Variants in MED13L observed in about 807,000 individuals in gnomAD.
MED13L encodes the protein mediator of RNA polymerase II transcription subunit 13-like.
MED13L carries 7 observed loss-of-function variants against 220.9 expected under a neutral mutation model. The observed-to-expected ratio is 0.03, with a 90% CI of 0.02 to 0.06. The LOEUF (loss-of-function observed/expected upper bound fraction) is 0.06, where lower values mean the gene tolerates loss of function less well. Ranked by LOEUF, MED13L falls within the 10% of genes least tolerant of loss-of-function variation. The pLI is 1.00. For missense variants in MED13L, 1,965 were observed against 2,760.5 expected, an observed-to-expected ratio of 0.71 and a Z score of 6.46; for synonymous variants, 1,011 against 1,015.2, an observed-to-expected ratio of 1.00 and a Z score of 0.08.
intron 4 of MED13L, among the ~76,000 whole-genome samples, chr12:116,092,573 G>A (rs533825950): frequency 6.6e-6 from 1 of 152,192 alleles, no homozygotes; most frequent in African/African-American, 2.4e-5. Flanking sequence ...AACATTTCTG[G>A]TATGAGTTAA....
intron 2 of MED13L, among the ~76,000 whole-genome samples, chr12:116,140,271 T>A (rs1393712230): frequency 6.6e-6 from 1 of 152,180 alleles, no homozygotes; most frequent in African/African-American, 2.4e-5. Flanking sequence ...CCATTCCCAA[T>A]TAGAGTGTAA....
intron 30 of MED13L, 38 bp downstream of exon 30, chr12:115,963,369 T>C: frequency 6.8e-7 from 1 of 1,461,350 alleles, no homozygotes; most frequent in Non-Finnish European, 9.6e-7. Context: ...GAATATTGTT[T>C]CAAATTGCAC....
intron 3 of MED13L, among the ~76,000 whole-genome samples, chr12:116,104,133 C>T (rs1458016878): frequency 1.3e-5 from 2 of 150,960 alleles, no homozygotes; most frequent in Non-Finnish European, 3.0e-5. Flanking sequence ...GCCTCAGTCT[C>T]CCAAGTAGCT....
intron 2 of MED13L, among the ~76,000 whole-genome samples, chr12:116,163,355 G>T (rs1485641132): frequency 7.5e-6 from 1 of 132,590 alleles, no homozygotes; most frequent in African/African-American, 3.0e-5. Context: ...CTGTTTATAG[G>T]TGAAGAATTT....
intron 2 of MED13L, among the ~76,000 whole-genome samples, chr12:116,182,136 C>A (rs1221829595): frequency 1.3e-5 from 2 of 152,144 alleles, no homozygotes; most frequent in Admixed American, 6.6e-5. Context: ...CATGCCCCCA[C>A]CTTCCTTGAC....
At chr12:116,114,836 T>G (rs1426266669) in intron 2 of MED13L, among the ~76,000 whole-genome samples, 1 of 152,178 alleles carries the variant, frequency 6.6e-6, no homozygotes, top group East Asian at 1.9e-4. Context: ...ACTGAAATTT[T>G]TTAAAGTACC....
At chr12:116,184,883 C>A (rs953486670) in intron 2 of MED13L, among the ~76,000 whole-genome samples, 1 of 152,002 alleles carries the variant, frequency 6.6e-6, no homozygotes, top group Non-Finnish European at 1.5e-5. Flanking sequence ...ATGACCTATG[C>A]CTGTTGGAAA....
At chr12:116,276,771 G>C (rs1565963942) in intron 1 of MED13L, 1 of 1,302,084 alleles carries the variant, frequency 7.7e-7, no homozygotes, top group Non-Finnish European at 9.9e-7. Context: ...CAGAGGGTGG[G>C]CGTTCGAAGT....
At chr12:116,191,077 G>C (rs1297986968) in intron 2 of MED13L, among the ~76,000 whole-genome samples, 2 of 147,480 alleles carry the variant, frequency 1.4e-5, no homozygotes, top group Non-Finnish European at 3.0e-5. Flanking sequence ...GGGCAAAAGA[G>C]CGAGACTCTG....
At chr12:116,067,876 TCA>T (rs1241539931) in intron 4 of MED13L, among the ~76,000 whole-genome samples, 1 of 152,154 alleles carries the variant, frequency 6.6e-6, no homozygotes, top group African/African-American at 2.4e-5. Context: ...ACAACAAGAC[TCA>T]ATAAAGGACA....
At chr12:116,169,418 T>C (rs1879518517) in intron 2 of MED13L, among the ~76,000 whole-genome samples, 1 of 152,208 alleles carries the variant, frequency 6.6e-6, no homozygotes, top group Non-Finnish European at 1.5e-5. Context: ...ATATAACTAA[T>C]ATAACATACA....
At chr12:116,039,408 T>C (rs1169792024) in intron 4 of MED13L, among the ~76,000 whole-genome samples, 1 of 152,214 alleles carries the variant, frequency 6.6e-6, no homozygotes, top group African/African-American at 2.4e-5. Flanking sequence ...TAGAATGCTA[T>C]TATCAGCAAA....
At chr12:116,165,259 C>A (rs1246592393) in intron 2 of MED13L, among the ~76,000 whole-genome samples, 1 of 74,486 alleles carries the variant, frequency 1.3e-5, no homozygotes, top group African/African-American at 5.9e-5. Context: ...AGGCACCATC[C>A]TTTTTTTTTT....
intron 2 of MED13L, among the ~76,000 whole-genome samples, chr12:116,128,628 T>C (rs1411456170): frequency 6.6e-6 from 1 of 152,212 alleles, no homozygotes; most frequent in Non-Finnish European, 1.5e-5. Flanking sequence ...CTCTTTCCTA[T>C]GCATAATTCA....
chr12:116,215,180 G>C (rs1882919932), intron 2 of MED13L, among the ~76,000 whole-genome samples: 1 of 152,128 alleles, frequency 6.6e-6, no homozygotes, highest in Non-Finnish European at 1.5e-5. Context: ...AACATAATAT[G>C]ATCTTTGTGC....
intron 7 of MED13L, among the ~76,000 whole-genome samples, chr12:116,018,366 T>C (rs1350410459): frequency 6.6e-6 from 1 of 152,224 alleles, no homozygotes; most frequent in Non-Finnish European, 1.5e-5. Context: ...CTTTCAAATT[T>C]TGTCTTACTC....
At chr12:115,987,550 G>C (rs998644133) in intron 17 of MED13L, among the ~76,000 whole-genome samples, 1 of 152,156 alleles carries the variant, frequency 6.6e-6, no homozygotes, top group African/African-American at 2.4e-5. Context: ...TTGTTTAAAA[G>C]TGGAAAAATG....
rs187460786 is a variant in MED13L, at chr12:116,171,973, C to G, written c.311-60461G>C. 7.2e-3 allele frequency among the ~76,000 whole-genome samples: 1,097 copies of G among 152,274 alleles called. 12 individuals are homozygous for G. The highest frequency in any genetic ancestry group is 0.013 in the Non-Finnish European group (865 of 68,016). ...TGTCCCTCTCAGCTTTTTTAATCAA[C>G]TTCATGAAGATTTTATAAATGACTT... On this transcript the variant is annotated intron_variant, in intron 2 of 30. Coordinates refer to ENST00000281928, the MANE Select transcript of MED13L (RefSeq NM_015335.5).
At chr12:116,164,161 A>G (rs911396871) in intron 2 of MED13L, among the ~76,000 whole-genome samples, 2 of 152,212 alleles carry the variant, frequency 1.3e-5, no homozygotes, top group African/African-American at 4.8e-5. Flanking sequence ...ATTTCATCAT[A>G]TATTTCATTC....
Sources: gnomAD v4.1 joint callset for allele counts (sites outside exome capture counted in the v4.1 genomes callset) on GRCh38, gnomAD v4.1.1 for gene constraint, MANE v1.5 for transcripts, NCBI Gene and HGNC (gene_info 2026-07-23, HGNC 2026-07-21) for gene names.